The following FAF1 variants were observed in gnomAD, a reference collection of about 807,000 sequenced individuals.
The protein encoded by FAF1 is FAS-associated factor 1.
In FAF1, 25 loss-of-function variants were observed where a neutral mutation model predicts 92.5. The observed-to-expected ratio is 0.27, with a 90% confidence interval of 0.20 to 0.38. The LOEUF (loss-of-function observed/expected upper bound fraction) is 0.38, where lower values mean the gene tolerates loss of function less well. FAF1 is among the 10% of genes least tolerant of loss of function. The pLI is 1.00. For missense variants in FAF1, 636 were observed against 793.3 expected (o/e 0.80, Z 2.38); for synonymous variants, 234 against 273.2 (o/e 0.86, Z 1.42).
intron 8 of FAF1, among the ~76,000 whole-genome samples, chr1:50,627,482 T>C (rs1291719207): frequency 1.3e-5 from 2 of 151,484 alleles, no homozygotes; most frequent in South Asian, 2.1e-4. Flanking sequence ...ATCCACACAA[T>C]GGAATATAAT....
chr1:50,541,147 T>C (rs1206617637), intron 13 of FAF1, among the ~76,000 whole-genome samples: 2 of 152,198 alleles, frequency 1.3e-5, no homozygotes, highest in Admixed American at 6.5e-5. Flanking sequence ...ATTTTCTGTC[T>C]ATAGAAATTC....
intron 7 of FAF1, among the ~76,000 whole-genome samples, chr1:50,657,084 T>C (rs1467228245): frequency 6.6e-6 from 1 of 151,680 alleles, no homozygotes; most frequent in Non-Finnish European, 1.5e-5. Flanking sequence ...TGGTGGCTCA[T>C]GCCTGTAGTC....
chr1:50,454,761 A>C (rs1356916523), intron 18 of FAF1, among the ~76,000 whole-genome samples: 1 of 152,180 alleles, frequency 6.6e-6, no homozygotes, highest in Non-Finnish European at 1.5e-5. Context: ...GATCTAGCTC[A>C]AGGGATCAGC....
intron 1 of FAF1, among the ~76,000 whole-genome samples, chr1:50,873,009 T>C (rs1308649547): frequency 6.6e-6 from 1 of 152,136 alleles, no homozygotes; most frequent in African/African-American, 2.4e-5. Context: ...TTTTAAGAAA[T>C]TGCTAGAGCC....
intron 7 of FAF1, among the ~76,000 whole-genome samples, chr1:50,679,323 C>CA (rs58902185): frequency 0.44 from 64,203 of 145,602 alleles, 14,925 homozygotes; most frequent in African/African-American, 0.59. Flanking sequence ...AAAAAAAGTA[C>CA]AAAAAAAAAG....
chr1:50,629,162 T>C (rs1398893985), intron 8 of FAF1, among the ~76,000 whole-genome samples: 1 of 110,388 alleles, frequency 9.1e-6, no homozygotes, highest in East Asian at 2.7e-4. Context: ...AGATAGATGC[T>C]TTTTTTTTTT....
chr1:50,570,306 G>A (rs1650373236), intron 12 of FAF1, among the ~76,000 whole-genome samples: 1 of 152,126 alleles, frequency 6.6e-6, no homozygotes, highest in South Asian at 2.1e-4. Flanking sequence ...TTTCCACAAG[G>A]AAACTTTAGG....
chr1:50,734,449 T>C (rs1005699785), intron 6 of FAF1, among the ~76,000 whole-genome samples: 4 of 152,078 alleles, frequency 2.6e-5, no homozygotes, highest in East Asian at 3.9e-4. Flanking sequence ...GAAAAACACA[T>C]GTAGGCCGGC....
At chr1:50,910,115 G>A (rs1166241431) in intron 1 of FAF1, among the ~76,000 whole-genome samples, 1 of 152,212 alleles carries the variant, frequency 6.6e-6, no homozygotes, top group African/African-American at 2.4e-5. Flanking sequence ...AGGACCCTCA[G>A]TTGCAAGTCT....
intron 4 of FAF1, among the ~76,000 whole-genome samples, chr1:50,779,082 A>G (rs1474640398): frequency 9.9e-5 from 15 of 152,166 alleles, no homozygotes; most frequent in Non-Finnish European, 2.1e-4. Context: ...TCAGCAATAG[A>G]TTACATCTCA....
chr1:50,816,205 C>CTTTTTTTT (rs1167616418), intron 2 of FAF1, among the ~76,000 whole-genome samples: 6 of 106,688 alleles, frequency 5.6e-5, no homozygotes, highest in South Asian at 3.1e-4. Context: ...TTTCCTTTTT[C>CTTTTTTTT]TTTTTTTTTT....
intron 7 of FAF1, among the ~76,000 whole-genome samples, chr1:50,703,521 A>G (rs1166211242): frequency 2.6e-5 from 4 of 152,210 alleles, no homozygotes; most frequent in Non-Finnish European, 4.4e-5. Flanking sequence ...AGCAAGTGAC[A>G]TAAGTAGCAA....
intron 7 of FAF1, among the ~76,000 whole-genome samples, chr1:50,695,877 G>C (rs1159885968): frequency 1.3e-5 from 2 of 151,460 alleles, no homozygotes; most frequent in African/African-American, 2.4e-5. Flanking sequence ...TTGAACTCCT[G>C]ACCTCAGGTG....
chr1:50,802,551 C>T (rs539010338), intron 2 of FAF1, among the ~76,000 whole-genome samples: 1 of 152,154 alleles, frequency 6.6e-6, no homozygotes, highest in Non-Finnish European at 1.5e-5. Context: ...TCTGAGCTAA[C>T]AAGTTACCAA....
At chr1:50,553,681 T>C (rs910524359) in intron 13 of FAF1, among the ~76,000 whole-genome samples, 7 of 152,072 alleles carry the variant, frequency 4.6e-5, no homozygotes. Flanking sequence ...CACACTATCA[T>C]ATGAAGAACA....
chr1:50,712,881 G>T (rs1038379563), intron 6 of FAF1, among the ~76,000 whole-genome samples: 2 of 151,986 alleles, frequency 1.3e-5, no homozygotes, highest in Middle Eastern at 3.4e-3. Context: ...CTTCAAGTTG[G>T]GGGGGCGCTG....
intron 12 of FAF1, among the ~76,000 whole-genome samples, chr1:50,570,037 C>T (rs1650358531): frequency 6.6e-6 from 1 of 152,152 alleles, no homozygotes; most frequent in South Asian, 2.1e-4. Context: ...AAGCATTGGT[C>T]CCTGCAATAT....
chr1:50,523,961 T>C (rs1647647491), intron 15 of FAF1, among the ~76,000 whole-genome samples: 1 of 152,230 alleles, frequency 6.6e-6, no homozygotes, highest in South Asian at 2.1e-4. Context: ...CTCTGAGGAA[T>C]TGCCACACTG....
At chr1:50,932,487 G>C (rs1215784915) in intron 1 of FAF1, among the ~76,000 whole-genome samples, 1 of 152,254 alleles carries the variant, frequency 6.6e-6, no homozygotes, top group East Asian at 1.9e-4. Context: ...TTTGACTCCA[G>C]GTCTCACATT....
Sources: gnomAD v4.1 joint callset for allele counts (sites outside exome capture counted in the v4.1 genomes callset) on GRCh38, gnomAD v4.1.1 for gene constraint, MANE v1.5 for transcripts, NCBI Gene and HGNC (gene_info 2026-07-23, HGNC 2026-07-21) for gene names.